Variants in PDE4A observed in about 807,000 individuals in gnomAD.
PDE4A encodes 3',5'-cyclic-AMP phosphodiesterase 4A.
PDE4A carries 21 observed loss-of-function variants against 73.9 expected under a neutral mutation model. The ratio of observed to expected loss-of-function variants is 0.28; its 90% CI spans 0.20 to 0.41. The LOEUF is 0.41. PDE4A is among the 10% of genes least tolerant of loss of function. The probability of loss-of-function intolerance (pLI) is 1.00; values close to 1 mark genes in which losing one functional copy is unlikely to be tolerated. For missense variants in PDE4A, 958 were observed against 1,211.4 expected (o/e 0.79, Z 3.10); for synonymous variants, 463 against 505.4 (o/e 0.92, Z 1.13).
chr19:10,456,859 C>T (rs576985104), intron 7 of PDE4A, among the ~76,000 whole-genome samples: 2 of 152,278 alleles, frequency 1.3e-5, no homozygotes, highest in Non-Finnish European at 2.9e-5. Context: ...TTTATCACTA[C>T]ACTCCAAAGG....
At chr19:10,437,372 T>G (rs2042879700) in intron 1 of PDE4A, among the ~76,000 whole-genome samples, 1 of 152,126 alleles carries the variant, frequency 6.6e-6, no homozygotes, top group African/African-American at 2.4e-5. Context: ...TCTGCCCGCC[T>G]TGGCCTCCCA....
At position 10,446,424 on chromosome 19, in the gene PDE4A, C is replaced by T. The variant is rs749970582; in HGVS notation, c.512+15C>T. On this transcript the variant is annotated intron_variant, in intron 2 of 14. Transcript: ENST00000380702. ...ACCAGCGAGGCGTGAGCATCCTTCT[C>T]CCCACATGCCAGTTCCCCCAGGCCT... 1.3e-6 allele frequency: 2 copies of T among 1,597,994 alleles called. No individual in the cohort carries two copies. Among genetic ancestry groups the T allele is most frequent in the East Asian group, 2.3e-5 (1 of 44,380 alleles).
rs200310988 is a variant in PDE4A at position 10,459,617 on chromosome 19, T to A, written c.1223T>A (p.Phe408Tyr). 12 of 1,614,132 alleles carry A rather than the reference T, an allele frequency of 7.4e-6. No homozygotes were observed. The highest frequency in any genetic ancestry group is 1.0e-5 in the Non-Finnish European group (12 of 1,179,994). Residue 408 changes from phenylalanine to tyrosine, a missense_variant, in exon 10 of 15, where the codon TTC (phenylalanine) becomes TAC (tyrosine). Phe to Tyr is a conservative substitution (Grantham distance 22). Around this residue, in one of 3 missense-constraint regions of PDE4A, gnomAD observed 570 missense variants for 827.7 expected, o/e 0.69. Coordinates refer to ENST00000380702, the MANE Select transcript of PDE4A (RefSeq NM_001111307.2). Reference protein sequence around the residue: ...IFQERDLLKKFRIPVDTMVTY... With the variant: ...IFQERDLLKKYRIPVDTMVTY... ...CAGGAGCGGGACCTGCTGAAGAAAT[T>A]CCGCATCCCTGTGGACACGATGGTG...
rs1210143925 is a variant in PDE4A, at chr19:10,467,305, A to G, written c.2345A>G (p.Gln782Arg). Reference protein sequence around the residue: ...AELEAVYLTQQAQSTGSAPVA... With the variant: ...AELEAVYLTQRAQSTGSAPVA... ...CTGGAGGCAGTGTATTTGACACAGC[A>G]GGCACAGTCCACAGGCAGTGCACCT... The change falls in exon 15 of 15, where the codon CAG (glutamine) becomes CGG (arginine). Residue 782 changes from glutamine (Q) to arginine (R), a missense_variant. Physicochemically the swap from Gln to Arg is conservative, Grantham distance 43. Transcript: ENST00000380702. 13 of 1,614,090 alleles carry G rather than the reference A, an allele frequency of 8.1e-6. No individual in the cohort carries two copies. Among genetic ancestry groups the G allele is most frequent in the Non-Finnish European group, 1.0e-5 (12 of 1,180,040 alleles).
chr19:10,430,913 G>A, intron 1 of PDE4A: 1 of 1,499,466 alleles, frequency 6.7e-7, no homozygotes, highest in South Asian at 1.3e-5. Context: ...TGGCGGTGGC[G>A]GCTGAGGACG....
chr19:10,466,003 C>CTTT (rs372475097), intron 14 of PDE4A, among the ~76,000 whole-genome samples: 1 of 126,524 alleles, frequency 7.9e-6, no homozygotes, highest in South Asian at 2.6e-4. Context: ...ATCCGGCCTA[C>CTTT]TTTTTTTTTT....
chr19:10,417,492 T>A, upstream of PDE4A: 6 of 981,038 alleles, frequency 6.1e-6, no homozygotes, highest in Non-Finnish European at 7.3e-6. Context: ...ACCTAAGGGA[T>A]GGCAGGGCAC....
At chr19:10,440,833 C>T (rs1034866684) in intron 1 of PDE4A, among the ~76,000 whole-genome samples, 2 of 151,376 alleles carry the variant, frequency 1.3e-5, no homozygotes, top group East Asian at 2.0e-4. Context: ...CTCCTGACCT[C>T]GTGATCCACC....
At position 10,467,000 on chromosome 19, in the gene PDE4A, C is replaced by T. The variant is rs2043384955; in HGVS notation, c.2040C>T (p.Tyr680=). ...DTLEDNRDWY[Y]SAIRQSPSPP... ...TGGAGGACAACCGGGACTGGTACTA[C>T]AGCGCCATCCGGCAGAGCCCATCTC... Residue 680 remains tyrosine (Y), a synonymous_variant, in exon 15 of 15, where the codon TAC becomes TAT. Transcript: ENST00000380702. The T allele has an allele frequency of 6.2e-7, 1 of 1,614,180 alleles. No homozygotes were observed. Among genetic ancestry groups the T allele is most frequent in the Non-Finnish European group, 8.5e-7 (1 of 1,180,046 alleles).
chr19:10,455,961 C>T (rs370992046), intron 7 of PDE4A, among the ~76,000 whole-genome samples: 1 of 150,986 alleles, frequency 6.6e-6, no homozygotes, highest in African/African-American at 2.4e-5. Context: ...CCACAAAAGG[C>T]CCCCCAACTT....
At position 10,461,955 on chromosome 19, in the gene PDE4A, A is replaced by C; in HGVS notation, c.1699A>C (p.Ser567Arg). Residue 567 changes from serine to arginine, a missense_variant, in exon 13 of 15, where the codon AGC becomes CGC. By Grantham distance (110) the Ser-to-Arg change is moderately radical (BLOSUM62 -1). Transcript: ENST00000380702. ...CATGGTGGAGACCAAGAAAGTGACCAGCTCAGGGGTCCTCCTGCTAGATAA... is the reference window on the plus strand; with the variant it reads ...CATGGTGGAGACCAAGAAAGTGACCCGCTCAGGGGTCCTCCTGCTAGATAA... ...KTMVETKKVT[S>R]SGVLLLDNYS... 1 of 1,614,028 alleles carries C rather than the reference A, an allele frequency of 6.2e-7. No individual in the cohort carries two copies. Among genetic ancestry groups the C allele is most frequent in the East Asian group, 2.2e-5 (1 of 44,876 alleles).
chr19:10,441,659 T>C (rs1470040380), intron 1 of PDE4A, among the ~76,000 whole-genome samples: 1 of 151,912 alleles, frequency 6.6e-6, no homozygotes, highest in Non-Finnish European at 1.5e-5. Flanking sequence ...GGCTCTTATG[T>C]TTAGGTATTT....
chr19:10,436,416 A>G (rs2042865408), intron 1 of PDE4A, among the ~76,000 whole-genome samples: 1 of 152,082 alleles, frequency 6.6e-6, no homozygotes, highest in Non-Finnish European at 1.5e-5. Context: ...TTAGCCGGGC[A>G]TGGTGATACA....
intron 1 of PDE4A, among the ~76,000 whole-genome samples, chr19:10,434,053 A>C (rs1245122006): frequency 6.6e-6 from 1 of 152,156 alleles, no homozygotes; most frequent in Non-Finnish European, 1.5e-5. Flanking sequence ...CAACATAGTA[A>C]AACCTCATCT....
chr19:10,443,583 G>A (rs539464481), intron 1 of PDE4A, among the ~76,000 whole-genome samples: 3 of 151,334 alleles, frequency 2.0e-5, no homozygotes, highest in South Asian at 2.1e-4. Context: ...GCTTGCTGGC[G>A]TACACCTGTA....
intron 6 of PDE4A, among the ~76,000 whole-genome samples, chr19:10,451,232 G>A (rs1312734512): frequency 6.6e-6 from 1 of 152,074 alleles, no homozygotes; most frequent in African/African-American, 2.4e-5. Context: ...CTCTGGGTAG[G>A]GTCTATGGTA....
In PDE4A at chr19:10,434,177, CTTCCT is replaced by C. The variant is rs2042833125; in HGVS notation, c.321-12034_321-12030del. 2.0e-5 allele frequency among the ~76,000 whole-genome samples: 3 copies of C among 149,356 alleles called. No individual in the cohort carries two copies. In the South Asian group the frequency reaches 6.4e-4, roughly 32 times the overall value. ...TCTTCCTTCCTTCCTTCCTTTCTTT[CTTCCT>C]TTCCTTCTTTCCTTCTTTCTCTCTT... On this transcript the variant is annotated intron_variant, in intron 1 of 14. Coordinates refer to ENST00000380702, the MANE Select transcript of PDE4A (RefSeq NM_001111307.2).
upstream of PDE4A, chr19:10,418,931 A>C: frequency 1.8e-5 from 18 of 984,538 alleles, no homozygotes; most frequent in Non-Finnish European, 2.2e-5. Flanking sequence ...TGGGGAACAC[A>C]GTTTTGGCCC....
intron 1 of PDE4A, among the ~76,000 whole-genome samples, chr19:10,438,205 C>T (rs11670704): frequency 0.19 from 28,229 of 151,416 alleles, 2,996 homozygotes; most frequent in East Asian, 0.5. Context: ...CTTCGCCTCC[C>T]GGGTTCAAGC....
Sources: gnomAD v4.1 joint callset for allele counts (sites outside exome capture counted in the v4.1 genomes callset) on GRCh38, gnomAD v4.1.1 for gene constraint, gnomAD v4.1.1 regional missense constraint, MANE v1.5 for transcripts, NCBI Gene and HGNC (gene_info 2026-07-23, HGNC 2026-07-21) for gene names.